Variants in L3MBTL1 observed in about 807,000 individuals in gnomAD.
The protein encoded by L3MBTL1 is lethal(3)malignant brain tumor-like protein 1.
In L3MBTL1, 75 loss-of-function variants were observed where a neutral mutation model predicts 105.3. The observed-to-expected ratio is 0.71, with a 90% CI of 0.59 to 0.86. The LOEUF (loss-of-function observed/expected upper bound fraction) is 0.86, where lower values mean the gene tolerates loss of function less well. Ranked by LOEUF, L3MBTL1 falls within the 40% of genes least tolerant of loss-of-function variation. The pLI, the probability that L3MBTL1 is intolerant of heterozygous loss-of-function variation, is 0.00. For missense variants in L3MBTL1, 1,069 were observed against 1,126.4 expected, an observed-to-expected ratio of 0.95 and a Z score of 0.73; for synonymous variants, 452 against 436.2, an observed-to-expected ratio of 1.04 and a Z score of -0.45.
At chr20:43,537,105 A>G (rs1377121218) in intron 19 of L3MBTL1, among the ~76,000 whole-genome samples, 1 of 152,234 alleles carries the variant, frequency 6.6e-6, no homozygotes, top group Non-Finnish European at 1.5e-5. Context: ...CTGGCATTCC[A>G]ACTCGGATCT....
Position 43,515,770 on chromosome 20 carries a change from T to C in L3MBTL1, c.778-323T>C, listed in dbSNP as rs544875310. On this transcript the variant is annotated intron_variant, in intron 6 of 21. Coordinates refer to ENST00000418998, the MANE Select transcript of L3MBTL1 (RefSeq NM_001377303.1). ...CACCCAGGGCTCTAGCTGCAGAAGC[T>C]GGAAGGGACAGAGCATGAATTCTAC... The C allele has an allele frequency of 1.3e-4, 59 of 443,542 alleles. No homozygotes were observed. The Admixed American group carries it at 1.4e-3, about 11-fold the overall frequency. The allele number at this position is 443,542 out of a possible 1,614,324, so 27.5% of individuals were successfully genotyped here.
At chr20:43,518,105 A>G (rs1399420623) in intron 7 of L3MBTL1, among the ~76,000 whole-genome samples, 2 of 150,930 alleles carry the variant, frequency 1.3e-5, no homozygotes, top group South Asian at 4.2e-4. Flanking sequence ...GAAGCATACT[A>G]CTCACTGTCT....
Position 43,513,942 on chromosome 20 carries a change from C to A in L3MBTL1, c.241C>A (p.Pro81Thr). 6.5e-7 allele frequency: 1 copy of A among 1,550,048 alleles called. No individual in the cohort carries two copies. Among genetic ancestry groups the A allele is most frequent in the African/African-American group, 1.4e-5 (1 of 73,184 alleles). Residue 81 changes from proline (P) to threonine (T), a missense_variant, in exon 3 of 22, where the codon CCA (proline) becomes ACA (threonine). By Grantham distance (38) the Pro-to-Thr change is conservative. Transcript: ENST00000418998. ...GAPEQVAGCE[P>T]VSATVLPQLS... ...CCCGGAGCAAGTGGCCGGCTGCGAA[C>A]CAGTTTCTGCCACCGTCCTGCCGCA... is the stretch of plus-strand genomic sequence containing the variant.
At position 43,520,628 on chromosome 20, in the gene L3MBTL1, G is replaced by A. The variant is rs116849337; in HGVS notation, c.862+4451G>A. 5.0e-3 allele frequency among the ~76,000 whole-genome samples: 760 copies of A among 152,236 alleles called. 2 individuals carry two copies. The highest frequency in any genetic ancestry group is 7.9e-3 in the Non-Finnish European group (537 of 68,010). ...TGGTATCTCATTGTGGTTTTGATTT[G>A]CATTTCCCTGATGGCTAATGATGTT... On this transcript the variant is annotated intron_variant, in intron 7 of 21. Coordinates refer to ENST00000418998, the MANE Select transcript of L3MBTL1 (RefSeq NM_001377303.1).
At position 43,541,358 on chromosome 20, in the gene L3MBTL1, C is replaced by G. The variant is rs962429569; in HGVS notation, c.*230C>G. 2.7e-6 allele frequency: 2 copies of G among 747,532 alleles called. No individual in the cohort carries two copies. The highest frequency in any genetic ancestry group is 4.0e-6 in the Non-Finnish European group (2 of 496,868). The allele number at this position is 747,532 out of a possible 1,614,324, so 46.3% of individuals were successfully genotyped here. On this transcript the variant is annotated 3_prime_UTR_variant, in exon 22 of 22. Transcript: ENST00000418998. ...TGTCTCTGAGCCTACATCTTCTTGT[C>G]TGTAAAATGGAGATAAAATGGGTTT...
intron 19 of L3MBTL1, among the ~76,000 whole-genome samples, chr20:43,538,642 G>A (rs2019753942): frequency 6.6e-6 from 1 of 152,186 alleles, no homozygotes; most frequent in South Asian, 2.1e-4. Context: ...GCCTAGGAGT[G>A]TCAGCTACTG....
downstream of L3MBTL1, among the ~76,000 whole-genome samples, chr20:43,545,132 C>T (rs186414547): frequency 3.3e-5 from 5 of 151,880 alleles, no homozygotes; most frequent in Admixed American, 3.3e-4. Context: ...GGCATGGTGG[C>T]GCACATCCGT....
At chr20:43,529,648 T>A (rs1213916762) in intron 9 of L3MBTL1, among the ~76,000 whole-genome samples, 1 of 152,192 alleles carries the variant, frequency 6.6e-6, no homozygotes, top group Non-Finnish European at 1.5e-5. Flanking sequence ...GTCCTTGTCC[T>A]CTAGGAGCTC....
intron 7 of L3MBTL1, chr20:43,523,530 CA>C: frequency 3.7e-6 from 1 of 267,210 alleles, no homozygotes; most frequent in Admixed American, 3.8e-5. Context: ...AGCCAAAACC[CA>C]AACCAGTGCA....
At chr20:43,518,349 A>G (rs2018514002) in intron 7 of L3MBTL1, among the ~76,000 whole-genome samples, 1 of 152,076 alleles carries the variant, frequency 6.6e-6, no homozygotes, top group East Asian at 1.9e-4. Flanking sequence ...TGGCAGTTTG[A>G]TGGCCAGCTG....
At chr20:43,514,116 C>A in intron 3 of L3MBTL1, 55 bp downstream of exon 3, 1 of 1,420,866 alleles carries the variant, frequency 7.0e-7, no homozygotes, top group Non-Finnish European at 9.6e-7. Flanking sequence ...TGGGGCGGGG[C>A]TTGCAGGCCC....
rs1362140060 is a variant in L3MBTL1, at chr20:43,514,697, G to C, written c.423G>C (p.Glu141Asp). Residue 141 changes from glutamate to aspartate, a missense_variant, in exon 4 of 22, where the codon GAG becomes GAC. Coordinates refer to ENST00000418998, the MANE Select transcript of L3MBTL1 (RefSeq NM_001377303.1). ...GAGTGGAGCAGCCCCCGAGCCCCGA[G>C]CTGCGGCAGGAAGGCGTGACCGAAT... The part of the protein sequence containing the change: ...MAGVEQPPSP[E>D]LRQEGVTEYE... 6.3e-7 allele frequency: 1 copy of C among 1,585,098 alleles called. No individual in the cohort carries two copies. Among genetic ancestry groups the C allele is most frequent in the Non-Finnish European group, 8.6e-7 (1 of 1,166,056 alleles).
rs373471113 is a variant in L3MBTL1 at position 43,530,792 on chromosome 20, G to T, written c.1193-6G>T. The T allele has an allele frequency of 9.9e-6, 16 of 1,613,752 alleles. No homozygotes were observed. The highest frequency in any genetic ancestry group is 1.3e-5 in the Non-Finnish European group (15 of 1,179,920). ...GCGCTCTGTTCATGCCCCTCGAGGG[G>T]CCTAGGTTACAAGGAGGAGGAGTTC... is the stretch of plus-strand genomic sequence containing the variant. On this transcript the variant is annotated splice_polypyrimidine_tract_variant and splice_region_variant and intron_variant, in intron 10 of 21. Transcript: ENST00000418998.
In L3MBTL1 at chr20:43,514,747, G is replaced by A; in HGVS notation, c.473G>A (p.Gly158Glu). ...TEYEDGGAPA[G>E]DGEAGPQQAE... ...TACGAAGATGGCGGGGCCCCGGCGG[G>A]AGATGGCGAGGCGGGCCCCCAACAG... Residue 158 changes from glycine (G) to glutamate (E), a missense_variant, in exon 4 of 22, where the codon GGA (glycine) becomes GAA (glutamate). Gly to Glu is a moderately conservative substitution (Grantham distance 98). Coordinates refer to ENST00000418998, the MANE Select transcript of L3MBTL1 (RefSeq NM_001377303.1). 1 of 1,563,844 alleles carries A rather than the reference G, an allele frequency of 6.4e-7. No individual in the cohort carries two copies. Among genetic ancestry groups the A allele is most frequent in the Non-Finnish European group, 8.7e-7 (1 of 1,154,024 alleles).
chr20:43,520,247 T>C (rs1052394223), intron 7 of L3MBTL1, among the ~76,000 whole-genome samples: 4 of 152,256 alleles, frequency 2.6e-5, no homozygotes, highest in African/African-American at 9.6e-5. Context: ...TTCTTTTTAT[T>C]GCTGAATAAT....
At chr20:43,529,502 A>G in intron 9 of L3MBTL1, 134 bp downstream of exon 9, 1 of 685,588 alleles carries the variant, frequency 1.5e-6, no homozygotes, top group Non-Finnish European at 2.6e-6. Flanking sequence ...AAGCTGGAAT[A>G]CATAGAAAGC....
downstream of L3MBTL1, among the ~76,000 whole-genome samples, chr20:43,544,651 G>A (rs193031052): frequency 6.6e-6 from 1 of 152,288 alleles, no homozygotes; most frequent in East Asian, 1.9e-4. Context: ...CCATATACCA[G>A]TGGGTTCTCT....
intron 11 of L3MBTL1, chr20:43,531,165 C>CT (rs2019317174): frequency 4.8e-6 from 2 of 417,380 alleles, no homozygotes; most frequent in Non-Finnish European, 8.5e-6. Context: ...CTACCCTAGT[C>CT]TGAGCACTGA....
chr20:43,522,080 G>C (rs2018738562), intron 7 of L3MBTL1, among the ~76,000 whole-genome samples: 1 of 152,210 alleles, frequency 6.6e-6, no homozygotes, highest in African/African-American at 2.4e-5. Context: ...AAAGAGGCCA[G>C]GTGCAGTGGC....
Sources: allele counts gnomAD v4.1 joint callset (sites outside exome capture counted in the v4.1 genomes callset), GRCh38; gene constraint gnomAD v4.1.1; transcripts MANE v1.5; gene names NCBI Gene and HGNC (gene_info 2026-07-23, HGNC 2026-07-21).